ANKS1B: variants seen among roughly 807,000 people sequenced by gnomAD.
ANKS1B encodes the protein ankyrin repeat and sterile alpha motif domain-containing protein 1B.
In ANKS1B, 36 loss-of-function variants were observed where a neutral mutation model predicts 148.3. The observed-to-expected ratio is 0.24, with a 90% CI of 0.19 to 0.32. ANKS1B has a LOEUF of 0.32. Among genes scored for constraint, ANKS1B ranks in the 10% least tolerant of loss-of-function variants. The pLI, the probability that ANKS1B is intolerant of heterozygous loss-of-function variation, is 1.00. For synonymous variants in ANKS1B, 542 were observed against 560.8 expected (o/e 0.97, Z 0.47); for missense variants, 1,157 against 1,542.6 (o/e 0.75, Z 4.19).
At chr12:99,713,017 CTCTT>C (rs750993340) in intron 8 of ANKS1B, among the ~76,000 whole-genome samples, 3 of 152,294 alleles carry the variant, frequency 2.0e-5, no homozygotes, top group East Asian at 1.9e-4. Flanking sequence ...CTTTCTCTGT[CTCTT>C]TCAGTCCAAG....
At chr12:99,742,837 CAAAAAAA>C (rs57232737) in intron 8 of ANKS1B, among the ~76,000 whole-genome samples, 1 of 119,552 alleles carries the variant, frequency 8.4e-6, no homozygotes, top group African/African-American at 3.2e-5. Flanking sequence ...GACTCTGTCT[CAAAAAAA>C]AAAAAAAAAA....
At chr12:99,013,329 A>G (rs986328988) in intron 17 of ANKS1B, among the ~76,000 whole-genome samples, 5 of 152,148 alleles carry the variant, frequency 3.3e-5, no homozygotes, top group African/African-American at 1.2e-4. Flanking sequence ...CAAGACAAGG[A>G]TGCCCTCTCT....
At chr12:99,572,444 G>A (rs1303636217) in intron 9 of ANKS1B, among the ~76,000 whole-genome samples, 1 of 151,930 alleles carries the variant, frequency 6.6e-6, no homozygotes, top group Non-Finnish European at 1.5e-5. Context: ...CTGCAAACTT[G>A]GCTCTAGAGG....
chr12:99,757,333 A>G (rs999204950), intron 8 of ANKS1B, among the ~76,000 whole-genome samples: 1 of 152,164 alleles, frequency 6.6e-6, no homozygotes, highest in Admixed American at 6.6e-5. Context: ...GCCAACAAGC[A>G]TATGAAAAAA....
At chr12:99,225,562 G>A (rs2085789168) in intron 14 of ANKS1B, among the ~76,000 whole-genome samples, 1 of 152,148 alleles carries the variant, frequency 6.6e-6, no homozygotes, top group South Asian at 2.1e-4. Flanking sequence ...CAATCTGGGT[G>A]GGCACGATCT....
intron 17 of ANKS1B, among the ~76,000 whole-genome samples, chr12:99,037,872 G>C (rs1475853204): frequency 2.6e-5 from 4 of 152,292 alleles, no homozygotes; most frequent in Middle Eastern, 3.4e-3. Flanking sequence ...TCTACACAAG[G>C]ATGCTGTCTT....
rs1451001825 is a variant in ANKS1B at position 99,963,453 on chromosome 12, G to T, written c.134+20651C>A. On this transcript the variant is annotated intron_variant, in intron 1 of 26. Coordinates refer to ENST00000683438, the MANE Select transcript of ANKS1B (RefSeq NM_001352186.2). ...TTGTTTTCCCAAACCTAGGGAAGGAGAGCAGGAACTGGTAATAGTGCCTGC... is the reference window on the plus strand; with the variant it reads ...TTGTTTTCCCAAACCTAGGGAAGGATAGCAGGAACTGGTAATAGTGCCTGC... Among the ~76,000 whole-genome samples, 8 of 152,228 alleles carry T rather than the reference G, an allele frequency of 5.3e-5. No homozygotes were observed. The East Asian group carries it at 1.5e-3, about 29-fold the overall frequency.
chr12:99,508,903 T>A (rs1033786526), intron 9 of ANKS1B, among the ~76,000 whole-genome samples: 1 of 151,920 alleles, frequency 6.6e-6, no homozygotes, highest in Non-Finnish European at 1.5e-5. Context: ...TAAAGATTTA[T>A]GGCAACCGGG....
intron 15 of ANKS1B, among the ~76,000 whole-genome samples, chr12:99,126,347 G>T (rs944874600): frequency 6.6e-6 from 1 of 152,144 alleles, no homozygotes. Flanking sequence ...AGGAAGAAAG[G>T]GGGTAGGGTA....
At chr12:99,034,462 T>C (rs1358183028) in intron 17 of ANKS1B, among the ~76,000 whole-genome samples, 1 of 152,110 alleles carries the variant, frequency 6.6e-6, no homozygotes, top group Non-Finnish European at 1.5e-5. Flanking sequence ...ACCATAGGCG[T>C]GTGCAACCAT....
chr12:99,758,965 A>G (rs2153604657), intron 8 of ANKS1B, among the ~76,000 whole-genome samples: 1 of 152,038 alleles, frequency 6.6e-6, no homozygotes, highest in East Asian at 1.9e-4. Context: ...ATAGGAAAAG[A>G]TATAACATGT....
At chr12:99,299,964 T>C (rs1566840243) in intron 12 of ANKS1B, among the ~76,000 whole-genome samples, 3 of 152,146 alleles carry the variant, frequency 2.0e-5, no homozygotes, top group South Asian at 4.1e-4. Context: ...GCAAATCACA[T>C]TGAGTTTGCC....
intron 9 of ANKS1B, among the ~76,000 whole-genome samples, chr12:99,571,586 C>A (rs1555496034): frequency 6.6e-6 from 1 of 152,064 alleles, no homozygotes; most frequent in Non-Finnish European, 1.5e-5. Context: ...TTGTATCCTT[C>A]TATGTTTGAA....
At chr12:99,951,291 G>T (rs924440129) in intron 1 of ANKS1B, among the ~76,000 whole-genome samples, 1 of 152,184 alleles carries the variant, frequency 6.6e-6, no homozygotes, top group Non-Finnish European at 1.5e-5. Context: ...TCAGTCTAGA[G>T]ACTTACATCC....
intron 9 of ANKS1B, among the ~76,000 whole-genome samples, chr12:99,558,247 G>C (rs1282197686): frequency 6.6e-6 from 1 of 152,160 alleles, no homozygotes; most frequent in East Asian, 1.9e-4. Context: ...GCAGGGGCAA[G>C]GCATTGGCAG....
chr12:99,281,120 A>G (rs149087560), intron 12 of ANKS1B, among the ~76,000 whole-genome samples: 1 of 152,232 alleles, frequency 6.6e-6, no homozygotes, highest in African/African-American at 2.4e-5. Flanking sequence ...AATGGTAGGC[A>G]TCTGGGGTCC....
intron 9 of ANKS1B, chr12:98,735,758 C>A: frequency 1.4e-5 from 7 of 493,348 alleles, no homozygotes; most frequent in South Asian, 3.5e-5. Context: ...GTGAGCAAAA[C>A]AAAAGTCTTG....
intron 8 of ANKS1B, among the ~76,000 whole-genome samples, chr12:99,733,754 C>A (rs2059378945): frequency 6.6e-6 from 1 of 152,172 alleles, no homozygotes; most frequent in Non-Finnish European, 1.5e-5. Context: ...TTTTTAAATT[C>A]TATTCTTCTA....
chr12:99,746,550 C>A (rs865979586), intron 8 of ANKS1B, among the ~76,000 whole-genome samples: 2 of 152,064 alleles, frequency 1.3e-5, no homozygotes, highest in African/African-American at 4.8e-5. Flanking sequence ...TGCTTCTATA[C>A]AATCATTGTA....
Sources: allele counts gnomAD v4.1 joint callset (sites outside exome capture counted in the v4.1 genomes callset), GRCh38; gene constraint gnomAD v4.1.1; transcripts MANE v1.5; gene names NCBI Gene and HGNC (gene_info 2026-07-23, HGNC 2026-07-21).